TSHZ3: variants seen among roughly 807,000 people sequenced by gnomAD.
The protein encoded by TSHZ3 is teashirt homolog 3.
In TSHZ3, 10 loss-of-function variants were observed where a neutral mutation model predicts 64.5. That is an observed-to-expected ratio of 0.16 (90% confidence interval 0.10 to 0.26). The LOEUF is 0.26. Ranked by LOEUF, TSHZ3 falls within the 10% of genes least tolerant of loss-of-function variation. The pLI is 1.00. For missense variants in TSHZ3, 1,242 were observed against 1,421.7 expected (o/e 0.87, Z 2.03); for synonymous variants, 608 against 593.1 (o/e 1.03, Z -0.36).
chr19:31,289,329 C>G (rs1218728139), intron 1 of TSHZ3, among the ~76,000 whole-genome samples: 1 of 152,174 alleles, frequency 6.6e-6, no homozygotes, highest in African/African-American at 2.4e-5. Flanking sequence ...GGGGTGAGAG[C>G]TCCCACTGGG....
upstream of TSHZ3, chr19:31,349,531 G>A: frequency 3.1e-6 from 1 of 321,890 alleles, no homozygotes; most frequent in African/African-American, 2.2e-5. Flanking sequence ...GGACCGCGCT[G>A]CCGGCGGAAT....
intron 1 of TSHZ3, among the ~76,000 whole-genome samples, chr19:31,268,162 C>T (rs142330644): frequency 7.8e-4 from 119 of 152,306 alleles, no homozygotes; most frequent in Non-Finnish European, 1.5e-3. Context: ...CGCCTTTGCT[C>T]TTTCTTCATC....
Position 31,278,340 on chromosome 19 carries a change from G to A in TSHZ3, c.1453C>T (p.Pro485Ser), listed in dbSNP as rs569911778. 5 of 1,614,154 alleles carry A rather than the reference G, an allele frequency of 3.1e-6. No homozygotes were observed. In the South Asian group the frequency reaches 5.5e-5, roughly 18 times the overall value. ...TCGCCAGGCTTGTCTTTTTGCTTAG[G>A]TTTCTCGTCAGTGACCGCTTTCTCC... ...DKEKAVTDEKPKQKDKPGEEE... is the reference protein window; with the variant it reads ...DKEKAVTDEKSKQKDKPGEEE... The change falls in exon 2 of 2, where the codon CCT becomes TCT. Residue 485 changes from proline to serine, a missense_variant. By Grantham distance (74) the Pro-to-Ser change is moderately conservative (BLOSUM62 -1). This residue lies in a region of TSHZ3 where 555 missense variants were observed against 704.0 expected (regional missense o/e 0.79). Coordinates refer to ENST00000240587, the MANE Select transcript of TSHZ3 (RefSeq NM_020856.4). The surrounding 1 kb of genome is among the most constrained non-coding windows in gnomAD (Gnocchi z 4.7).
At chr19:31,226,416 C>T (rs1975462424) in intron 4 of TSHZ3, among the ~76,000 whole-genome samples, 1 of 152,060 alleles carries the variant, frequency 6.6e-6, no homozygotes, top group South Asian at 2.1e-4. Flanking sequence ...AAGGGGTTTC[C>T]TCTTTTGCTT....
At chr19:31,151,192 G>GT (rs1260882885) in exon 7 of TSHZ3, among the ~76,000 whole-genome samples, 1 of 152,164 alleles carries the variant, frequency 6.6e-6, no homozygotes, top group Non-Finnish European at 1.5e-5. Flanking sequence ...GCATGGCAGT[G>GT]TAAGTGACGG....
chr19:31,201,432 T>G (rs1975085371), intron 5 of TSHZ3, among the ~76,000 whole-genome samples: 1 of 152,186 alleles, frequency 6.6e-6, no homozygotes, highest in South Asian at 2.1e-4. Flanking sequence ...ATGAATGTCA[T>G]ATTGCTAAAA....
rs190111277 is a variant in TSHZ3 at position 31,259,561 on chromosome 19, G to A, written n.64-16686C>T. Among the ~76,000 whole-genome samples the A allele has an allele frequency of 3.9e-5, 6 of 152,110 alleles. No individual in the cohort carries two copies. The East Asian group carries it at 1.2e-3, about 30-fold the overall frequency. On this transcript the variant is annotated intron_variant and non_coding_transcript_variant, in intron 1 of 6. Coordinates refer to the TSHZ3 transcript ENST00000651361. ...TGGGGTCTGTGGTCCTGGGTGCAGA[G>A]GGAGGGCAGGGAGGCCACTGAGGGT...
chr19:31,326,260 C>T (rs1192911573), intron 1 of TSHZ3, among the ~76,000 whole-genome samples: 1 of 152,186 alleles, frequency 6.6e-6, no homozygotes, highest in East Asian at 1.9e-4. Flanking sequence ...AAACTGGTAT[C>T]GGTGCTTGCC....
intron 5 of TSHZ3, among the ~76,000 whole-genome samples, chr19:31,177,355 G>A (rs117577899): frequency 0.017 from 2,558 of 152,328 alleles, 36 homozygotes; most frequent in East Asian, 0.051. Flanking sequence ...ATGGCCAGCC[G>A]GGTGGTGTCA....
In TSHZ3 at chr19:31,279,425, T is replaced by C. The variant is rs1274037847; in HGVS notation, c.368A>G (p.Asn123Ser). ...DSLEQMKAVY[N>S]NFLSNSYWSN... ...CCAGTAGGAGTTGGAGAGGAAGTTG[T>C]TGTACACGGCCTTCATCTGCTCCAG... is the stretch of plus-strand genomic sequence containing the variant. The change falls in exon 2 of 2, where the codon AAC becomes AGC. Residue 123 changes from asparagine to serine, a missense_variant. Around this residue, in one of 4 missense-constraint regions of TSHZ3, gnomAD observed 555 missense variants for 704.0 expected, o/e 0.79. Transcript: ENST00000240587. This position sits in a 1 kb window ranked among gnomAD's most constrained non-coding sequence, Gnocchi z 6.4. 1 of 1,614,196 alleles carries C rather than the reference T, an allele frequency of 6.2e-7. No individual in the cohort carries two copies. The highest frequency in any genetic ancestry group is 8.5e-7 in the Non-Finnish European group (1 of 1,180,032).
intron 1 of TSHZ3, among the ~76,000 whole-genome samples, chr19:31,307,547 G>A (rs1451900261): frequency 6.6e-6 from 1 of 152,192 alleles, no homozygotes; most frequent in Non-Finnish European, 1.5e-5. Flanking sequence ...ACCGCGTGAT[G>A]AATGGCAAAG....
intron 4 of TSHZ3, among the ~76,000 whole-genome samples, chr19:31,216,297 G>A (rs1384013399): frequency 6.6e-6 from 1 of 152,120 alleles, no homozygotes; most frequent in African/African-American, 2.4e-5. Context: ...ACACAACTAG[G>A]ACCCCTATCA....
chr19:31,231,219 C>T (rs989645248), intron 3 of TSHZ3, among the ~76,000 whole-genome samples: 16 of 152,070 alleles, frequency 1.1e-4, no homozygotes, highest in African/African-American at 2.9e-4. Context: ...AGGATTATTG[C>T]CTGGGATTCA....
At chr19:31,156,827 C>T (rs1268230063) in intron 5 of TSHZ3, among the ~76,000 whole-genome samples, 2 of 152,102 alleles carry the variant, frequency 1.3e-5, no homozygotes, top group African/African-American at 4.8e-5. Context: ...GATCCTGGTC[C>T]CTTCCTTAAT....
rs539120425 is a variant in TSHZ3, at chr19:31,173,808, C to G, written n.810-17391G>C. On this transcript the variant is annotated intron_variant and non_coding_transcript_variant, in intron 5 of 6. Coordinates refer to the TSHZ3 transcript ENST00000651361. ...ACAGATTTATTATACAGAATCAGCT[C>G]CCTGTAATCCCAGCATTTTGGGAGG... Among the ~76,000 whole-genome samples, 4 of 152,220 alleles carry G rather than the reference C, an allele frequency of 2.6e-5. No individual in the cohort carries two copies. In the East Asian group the frequency reaches 7.8e-4, roughly 30 times the overall value.
At chr19:31,190,689 C>A in intron 5 of TSHZ3, among the ~76,000 whole-genome samples, 1 of 151,602 alleles carries the variant, frequency 6.6e-6, no homozygotes. Flanking sequence ...TACCTTTATC[C>A]AGAAAAATAA....
chr19:31,324,367 C>A (rs1253641997), intron 1 of TSHZ3, among the ~76,000 whole-genome samples: 1 of 152,160 alleles, frequency 6.6e-6, no homozygotes, highest in Non-Finnish European at 1.5e-5. Context: ...TTACACCTCC[C>A]GCATATAAAC....
intron 1 of TSHZ3, among the ~76,000 whole-genome samples, chr19:31,304,194 C>G (rs757247290): frequency 1.3e-5 from 2 of 152,136 alleles, no homozygotes; most frequent in Non-Finnish European, 2.9e-5. Flanking sequence ...AAGCTGGTCT[C>G]GAACTTCTGA....
At chr19:31,175,191 A>C (rs1226568004) in intron 5 of TSHZ3, among the ~76,000 whole-genome samples, 1 of 152,224 alleles carries the variant, frequency 6.6e-6, no homozygotes, top group Non-Finnish European at 1.5e-5. Context: ...GACACAGGTC[A>C]GTTTCCTGCA....
Sources: gnomAD v4.1 joint callset for allele counts (sites outside exome capture counted in the v4.1 genomes callset) on GRCh38, gnomAD v4.1.1 for gene constraint, gnomAD v4.1.1 regional missense constraint, Gnocchi (gnomAD v3.1) non-coding constraint, MANE v1.5 for transcripts, NCBI Gene and HGNC (gene_info 2026-07-23, HGNC 2026-07-21) for gene names.